The following RBFOX1 variants were observed in gnomAD, a reference collection of about 807,000 sequenced individuals.
The protein encoded by RBFOX1 is RNA binding protein fox-1 homolog 1.
Under a neutral mutation model 57.7 loss-of-function variants are expected in RBFOX1, and 8 were observed. The observed-to-expected ratio is 0.14, with a 90% CI of 0.08 to 0.25. The LOEUF is 0.25. Ranked by LOEUF, RBFOX1 falls within the 10% of genes least tolerant of loss-of-function variation. RBFOX1 has a pLI of 1.00. For synonymous variants in RBFOX1, 326 were observed against 222.4 expected, an observed-to-expected ratio of 1.47 and a Z score of -4.15; for missense variants, 611 against 548.5, an observed-to-expected ratio of 1.11 and a Z score of -1.14.
At chr16:5,808,440 T>C (rs920439639) in intron 3 of RBFOX1, among the ~76,000 whole-genome samples, 5 of 152,182 alleles carry the variant, frequency 3.3e-5, no homozygotes, top group African/African-American at 1.2e-4. Context: ...AAGTAGTTTT[T>C]TCCAATTCTG....
At chr16:5,407,614 T>C (rs1372519566) in intron 1 of RBFOX1, among the ~76,000 whole-genome samples, 1 of 152,114 alleles carries the variant, frequency 6.6e-6, no homozygotes, top group African/African-American at 2.4e-5. Flanking sequence ...AGTGGCATGG[T>C]CTTGGCTTAC....
At chr16:6,010,567 C>T (rs994152256) in intron 4 of RBFOX1, among the ~76,000 whole-genome samples, 1 of 152,206 alleles carries the variant, frequency 6.6e-6, no homozygotes, top group Non-Finnish European at 1.5e-5. Context: ...ATACTTATCT[C>T]ATGGTCGACT....
At chr16:6,922,343 C>T (rs189666532) in intron 3 of RBFOX1, among the ~76,000 whole-genome samples, 12 of 152,086 alleles carry the variant, frequency 7.9e-5, no homozygotes, top group African/African-American at 1.7e-4. Context: ...TGGCAAGTTT[C>T]GCATGCTGCA....
At chr16:6,555,738 T>C (rs1038459667) in intron 2 of RBFOX1, among the ~76,000 whole-genome samples, 7 of 152,028 alleles carry the variant, frequency 4.6e-5, no homozygotes, top group South Asian at 4.2e-4. Flanking sequence ...AAAAAAGATA[T>C]CATTCCATCT....
chr16:7,163,573 CT>C (rs1427701298), intron 4 of RBFOX1, among the ~76,000 whole-genome samples: 1 of 152,108 alleles, frequency 6.6e-6, no homozygotes, highest in East Asian at 1.9e-4. Flanking sequence ...TCAATAAGCT[CT>C]TTCATCATCT....
At chr16:5,797,593 C>A (rs13331985) in intron 3 of RBFOX1, among the ~76,000 whole-genome samples, 59,003 of 152,040 alleles carry the variant, frequency 0.39, 11,603 homozygotes, top group South Asian at 0.5. Flanking sequence ...CTGATGCAGA[C>A]AATCCTACAT....
intron 10 of RBFOX1, among the ~76,000 whole-genome samples, chr16:7,608,991 G>C (rs1417240225): frequency 2.0e-5 from 3 of 152,184 alleles, no homozygotes; most frequent in Non-Finnish European, 2.9e-5. Context: ...GGGCATGGCA[G>C]TTTATTCAGG....
chr16:5,351,328 C>G (rs1041690063), intron 1 of RBFOX1, among the ~76,000 whole-genome samples: 3 of 152,176 alleles, frequency 2.0e-5, no homozygotes, highest in African/African-American at 7.2e-5. Flanking sequence ...TCTAACTACT[C>G]TAGAAGGTAG....
At chr16:6,419,945 G>C (rs1195507507) in intron 2 of RBFOX1, among the ~76,000 whole-genome samples, 2 of 152,044 alleles carry the variant, frequency 1.3e-5, no homozygotes, top group Non-Finnish European at 2.9e-5. Flanking sequence ...CATGCTGCAG[G>C]CCCCCCCATC....
intron 2 of RBFOX1, among the ~76,000 whole-genome samples, chr16:6,584,121 C>A (rs2097573417): frequency 6.6e-6 from 1 of 151,824 alleles, no homozygotes. Flanking sequence ...AAGTCAGAGT[C>A]TCCTAATGTA....
chr16:6,670,257 C>T (rs938836152), intron 3 of RBFOX1, among the ~76,000 whole-genome samples: 32 of 151,776 alleles, frequency 2.1e-4, no homozygotes, highest in African/African-American at 7.3e-4. Flanking sequence ...TTTGTAGAGA[C>T]GGGGTTTTCC....
At chr16:5,579,413 G>A (rs1482809362) in intron 2 of RBFOX1, among the ~76,000 whole-genome samples, 2 of 151,998 alleles carry the variant, frequency 1.3e-5, no homozygotes, top group Admixed American at 6.6e-5. Context: ...CTGGGATTCC[G>A]CTTGTGGCCT....
At chr16:6,161,654 A>C (rs1303012381) in intron 1 of RBFOX1, among the ~76,000 whole-genome samples, 1 of 152,186 alleles carries the variant, frequency 6.6e-6, no homozygotes, top group Non-Finnish European at 1.5e-5. Flanking sequence ...AGGGTGGTAG[A>C]GCCCCTTTGA....
At chr16:6,620,669 A>G (rs1362731372) in intron 2 of RBFOX1, among the ~76,000 whole-genome samples, 1 of 152,174 alleles carries the variant, frequency 6.6e-6, no homozygotes, top group Non-Finnish European at 1.5e-5. Context: ...GACAAGGGGG[A>G]ATATTACCCC....
chr16:6,003,443 G>C (rs1426014642), intron 4 of RBFOX1, among the ~76,000 whole-genome samples: 1 of 152,030 alleles, frequency 6.6e-6, no homozygotes, highest in Non-Finnish European at 1.5e-5. Context: ...CCTGCATTTT[G>C]GTGACTACTT....
intron 4 of RBFOX1, among the ~76,000 whole-genome samples, chr16:5,961,583 A>C (rs1362210957): frequency 6.6e-6 from 1 of 152,142 alleles, no homozygotes; most frequent in Non-Finnish European, 1.5e-5. Flanking sequence ...GCAGTGGTGC[A>C]ATCATGGCTC....
intron 3 of RBFOX1, among the ~76,000 whole-genome samples, chr16:5,767,435 TG>T (rs1207961060): frequency 1.3e-5 from 2 of 152,154 alleles, no homozygotes; most frequent in African/African-American, 4.8e-5. Context: ...CCCATTCAGC[TG>T]GGGAGAGGTG....
At chr16:6,873,507 A>G (rs1567661117) in intron 3 of RBFOX1, among the ~76,000 whole-genome samples, 2 of 152,192 alleles carry the variant, frequency 1.3e-5, no homozygotes, top group South Asian at 4.1e-4. Flanking sequence ...AGGCTATGAC[A>G]GTGGATTATG....
At chr16:7,629,889 C>G (rs763938520) in intron 10 of RBFOX1, among the ~76,000 whole-genome samples, 1 of 152,180 alleles carries the variant, frequency 6.6e-6, no homozygotes, top group African/African-American at 2.4e-5. Context: ...GGGAAGAAAG[C>G]GGGAATACAG....
Sources: allele counts gnomAD v4.1 joint callset (sites outside exome capture counted in the v4.1 genomes callset), GRCh38; gene constraint gnomAD v4.1.1; transcripts MANE v1.5; gene names NCBI Gene and HGNC (gene_info 2026-07-23, HGNC 2026-07-21).